Variants in RYR3 observed in about 807,000 individuals in gnomAD.
The protein encoded by RYR3 is brain ryanodine receptor-calcium release channel.
Under a neutral mutation model 584.3 loss-of-function variants are expected in RYR3, and 207 were observed. That is an observed-to-expected ratio of 0.35 (90% CI 0.32 to 0.40). The LOEUF is 0.40. Among genes scored for constraint, RYR3 ranks in the 10% least tolerant of loss-of-function variants. RYR3 has a pLI of 1.00. For missense variants in RYR3, 5,616 were observed against 6,089.2 expected (o/e 0.92, Z 2.59); for synonymous variants, 2,416 against 2,248.5 (o/e 1.07, Z -2.11).
intron 69 of RYR3, among the ~76,000 whole-genome samples, chr15:33,804,030 A>G (rs1345359854): frequency 1.3e-5 from 2 of 152,144 alleles, no homozygotes; most frequent in African/African-American, 4.8e-5. Context: ...AGGTAGCAGA[A>G]AATGGCATTT....
At chr15:33,703,502 C>T (rs908402157) in intron 42 of RYR3, among the ~76,000 whole-genome samples, 1 of 152,184 alleles carries the variant, frequency 6.6e-6, no homozygotes, top group Non-Finnish European at 1.5e-5. Context: ...TCTTTGTGTG[C>T]ACGTATCCTT....
At position 33,848,440 on chromosome 15, in the gene RYR3, C is replaced by T. The variant is rs775823702; in HGVS notation, c.13628+19C>T. The T allele has an allele frequency of 3.8e-6, 6 of 1,597,354 alleles. No individual in the cohort carries two copies. The highest frequency in any genetic ancestry group is 3.6e-5 in the Admixed American group (2 of 54,868). ...ACACACCGTGAGTGTCCCTCTACCC[C>T]AACCTAAAAAGGAGATGGAGTCTCT... On this transcript the variant is annotated intron_variant, in intron 94 of 103. Coordinates refer to ENST00000634891, the MANE Select transcript of RYR3 (RefSeq NM_001036.6).
chr15:33,449,351 C>G (rs1449090722), intron 1 of RYR3, among the ~76,000 whole-genome samples: 1 of 152,162 alleles, frequency 6.6e-6, no homozygotes, highest in Non-Finnish European at 1.5e-5. Flanking sequence ...CCACAGTGAT[C>G]AAGCGAGACA....
chr15:33,741,151 A>G (rs528527948), intron 51 of RYR3, among the ~76,000 whole-genome samples: 1 of 152,350 alleles, frequency 6.6e-6, no homozygotes, highest in South Asian at 2.1e-4. Flanking sequence ...ATTCCAGTGT[A>G]CCTGTGACAT....
chr15:33,523,284 C>G (rs1428256953), intron 3 of RYR3, among the ~76,000 whole-genome samples: 1 of 152,194 alleles, frequency 6.6e-6, no homozygotes, highest in Non-Finnish European at 1.5e-5. Context: ...TCCCCTTCCA[C>G]GCAGTGGAAG....
chr15:33,618,080 AT>A (rs1182132953), intron 19 of RYR3, among the ~76,000 whole-genome samples: 6 of 152,226 alleles, frequency 3.9e-5, no homozygotes, highest in Non-Finnish European at 8.8e-5. Context: ...AGTTGATCTT[AT>A]ATACACCCCA....
intron 52 of RYR3, among the ~76,000 whole-genome samples, chr15:33,742,833 C>T (rs1029332863): frequency 6.6e-6 from 1 of 152,026 alleles, no homozygotes; most frequent in Non-Finnish European, 1.5e-5. Context: ...GAAAGCCTAA[C>T]CCTTACATGT....
chr15:33,432,697 T>TGTGTGTGTGTGTGTGTGTGTG (rs1555469372), intron 1 of RYR3, among the ~76,000 whole-genome samples: 9 of 148,998 alleles, frequency 6.0e-5, no homozygotes, highest in African/African-American at 2.3e-4. Context: ...TGTGTGTGTG[T>TGTGTGTGTGTGTGTGTGTGTG]TTAAAGTAGA....
At chr15:33,602,956 C>T (rs2059743291) in intron 17 of RYR3, among the ~76,000 whole-genome samples, 167 bp from the exon 18 acceptor site, 1 of 151,990 alleles carries the variant, frequency 6.6e-6, no homozygotes, top group Non-Finnish European at 1.5e-5. Flanking sequence ...AGGCTGATCC[C>T]AGACTCCTGG....
intron 38 of RYR3, among the ~76,000 whole-genome samples, chr15:33,688,477 G>A (rs569891995): frequency 1.3e-5 from 2 of 151,658 alleles, no homozygotes; most frequent in East Asian, 3.9e-4. Flanking sequence ...GGAGGCTGAG[G>A]CAGGAGAATG....
chr15:33,827,323 C>G (rs1249963550), intron 85 of RYR3, 36 bp downstream of exon 85: 1 of 1,525,504 alleles, frequency 6.6e-7, no homozygotes, highest in Non-Finnish European at 8.9e-7. Flanking sequence ...GGACCTCTCA[C>G]CTTTGCTTCC....
At chr15:33,432,604 T>TC (rs2045270024) in intron 1 of RYR3, among the ~76,000 whole-genome samples, 1 of 147,310 alleles carries the variant, frequency 6.8e-6, no homozygotes, top group African/African-American at 2.7e-5. Context: ...TTTTTTTCTT[T>TC]CTTTTTTTTT....
chr15:33,701,059 A>G lies in RYR3; in HGVS notation c.6462A>G (p.Leu2154=), dbSNP rs1389727331. The G allele has an allele frequency of 6.2e-7, 1 of 1,612,544 alleles. No homozygotes were observed. Among genetic ancestry groups the G allele is most frequent in the East Asian group, 2.2e-5 (1 of 44,874 alleles). The part of the protein sequence containing the change: ...VMDNNELALS[L]EEPDLEKVVT... ...ACAACAATGAGTTAGCGCTGAGCTT[A>G]GAGGAACCAGACCTCGAGAAGGTAA... The change falls in exon 42 of 104, where the codon TTA becomes TTG. Residue 2154 remains leucine (L), a synonymous_variant. Coordinates refer to ENST00000634891, the MANE Select transcript of RYR3 (RefSeq NM_001036.6).
chr15:33,755,179 A>G lies in RYR3; in HGVS notation c.8514A>G (p.Leu2838=). ...VDSAQEFIAH[L]EAIVSSGKTE... is the part of the protein sequence containing the mutation. The stretch of plus-strand genomic sequence containing the variant: ...CTGCTCAAGAATTTATTGCCCATTT[A>G]GGTAAGTATCATCATGAAATAACCC... The change falls in exon 58 of 104, where the codon TTA becomes TTG. Residue 2838 remains leucine, a splice_region_variant and synonymous_variant. Coordinates refer to ENST00000634891, the MANE Select transcript of RYR3 (RefSeq NM_001036.6). 1 of 1,551,892 alleles carries G rather than the reference A, an allele frequency of 6.4e-7. No homozygotes were observed. The highest frequency in any genetic ancestry group is 8.9e-7 in the Non-Finnish European group (1 of 1,125,630).
chr15:33,439,539 C>T (rs8035169), intron 1 of RYR3, among the ~76,000 whole-genome samples: 1,522 of 152,162 alleles, frequency 0.01, 18 homozygotes, highest in African/African-American at 0.034. Flanking sequence ...TTTAATTGTC[C>T]TTTCCTATAT....
At chr15:33,623,287 A>G (rs1025935344) in intron 19 of RYR3, among the ~76,000 whole-genome samples, 4 of 152,232 alleles carry the variant, frequency 2.6e-5, no homozygotes, top group African/African-American at 4.8e-5. Context: ...GCCATGTACC[A>G]TTTGTGATTA....
chr15:33,473,816 G>C (rs2049142519), intron 2 of RYR3, among the ~76,000 whole-genome samples: 1 of 152,178 alleles, frequency 6.6e-6, no homozygotes, highest in Non-Finnish European at 1.5e-5. Context: ...TGCTGACCGA[G>C]GAGGTCTTAA....
chr15:33,435,326 TTGTTAA>T lies in RYR3; in HGVS notation c.52-38088_52-38083del, dbSNP rs1286169971. Among the ~76,000 whole-genome samples, 9 of 149,710 alleles carry T rather than the reference TTGTTAA, an allele frequency of 6.0e-5. No individual in the cohort carries two copies. In the South Asian group the frequency reaches 1.7e-3, roughly 28 times the overall value. On this transcript the variant is annotated intron_variant, in intron 1 of 103. Transcript: ENST00000634891. The stretch of plus-strand genomic sequence containing the variant: ...TCTCTGTATTTTTCTGGAACTACTT[TTGTTAA>T]TGTTGTGAGTTTCACGTATAGTGAT...
chr15:33,414,393 CTG>C (rs774848329), intron 1 of RYR3, among the ~76,000 whole-genome samples: 1 of 152,092 alleles, frequency 6.6e-6, no homozygotes, highest in Non-Finnish European at 1.5e-5. Context: ...GAAAAAAAGA[CTG>C]TGCTGACCCA....
Sources: gnomAD v4.1 joint callset for allele counts (sites outside exome capture counted in the v4.1 genomes callset) on GRCh38, gnomAD v4.1.1 for gene constraint, MANE v1.5 for transcripts, NCBI Gene and HGNC (gene_info 2026-07-23, HGNC 2026-07-21) for gene names.